The following RASSF9 variants were observed in gnomAD, a reference collection of about 807,000 sequenced individuals.
The protein encoded by RASSF9 is Ras association domain family member 9.
A neutral mutation model predicts 21.4 loss-of-function variants in RASSF9; 18 were observed. The ratio of observed to expected loss-of-function variants is 0.84; its 90% CI spans 0.58 to 1.25. The LOEUF is 1.25. Among genes scored for constraint, RASSF9 ranks in the 50% most tolerant of loss-of-function variants. The pLI is 0.00. For missense variants in RASSF9, 480 were observed against 503.2 expected (o/e 0.95, Z 0.44); for synonymous variants, 183 against 179.1 (o/e 1.02, Z -0.18).
At chr12:85,825,167 T>C (rs1880304248) in intron 1 of RASSF9, among the ~76,000 whole-genome samples, 1 of 152,124 alleles carries the variant, frequency 6.6e-6, no homozygotes, top group Admixed American at 6.5e-5. Context: ...TATGCCTGAT[T>C]AATTTTTGTA....
At chr12:85,815,699 C>G (rs1399025891) in intron 1 of RASSF9, among the ~76,000 whole-genome samples, 2 of 139,480 alleles carry the variant, frequency 1.4e-5, no homozygotes, top group African/African-American at 5.7e-5. Context: ...TCAGTGATGT[C>G]GACCTTTAAT....
intron 1 of RASSF9, among the ~76,000 whole-genome samples, chr12:85,809,131 G>C (rs1879895946): frequency 6.6e-6 from 1 of 152,144 alleles, no homozygotes; most frequent in Admixed American, 6.6e-5. Flanking sequence ...TTGGTAGCTT[G>C]CCTCAGGTCA....
intron 1 of RASSF9, among the ~76,000 whole-genome samples, chr12:85,813,974 G>A (rs1880009080): frequency 1.3e-5 from 2 of 152,022 alleles, no homozygotes; most frequent in Admixed American, 1.3e-4. Context: ...GTGTAAAGGA[G>A]TGATTCCAAG....
chr12:85,824,269 G>C (rs1055416708), intron 1 of RASSF9, among the ~76,000 whole-genome samples: 1 of 152,086 alleles, frequency 6.6e-6, no homozygotes, highest in Non-Finnish European at 1.5e-5. Flanking sequence ...CAAAAATAGT[G>C]TTCCCCACCT....
intron 1 of RASSF9, among the ~76,000 whole-genome samples, chr12:85,817,838 A>G (rs182836767): frequency 2.6e-4 from 39 of 152,306 alleles, no homozygotes; most frequent in African/African-American, 8.9e-4. Context: ...AGAAATCATA[A>G]GATATGCTCT....
chr12:85,834,807 A>G (rs897298569), intron 1 of RASSF9, among the ~76,000 whole-genome samples: 1 of 152,080 alleles, frequency 6.6e-6, no homozygotes, highest in Non-Finnish European at 1.5e-5. Context: ...GGCTTGGGGG[A>G]GGCTTTTCTG....
At position 85,804,890 on chromosome 12, in the gene RASSF9, C is replaced by A; in HGVS notation, c.1120G>T (p.Gly374Trp). 1 of 1,613,722 alleles carries A rather than the reference C, an allele frequency of 6.2e-7. No homozygotes were observed. The highest frequency in any genetic ancestry group is 8.5e-7 in the Non-Finnish European group (1 of 1,179,678). Residue 374 changes from glycine (G) to tryptophan (W), a missense_variant, in exon 2 of 2, where the codon GGG becomes TGG. Physicochemically the swap from Gly to Trp is radical, Grantham distance 184. Coordinates refer to ENST00000361228, the MANE Select transcript of RASSF9 (RefSeq NM_005447.4). Reference sequence around the variant, plus strand: ...GCTCTGTTTTCCTTTAACTGGCACCCATCTTTGTTGCTAATGTGAAGTGAA... The same window carrying A: ...GCTCTGTTTTCCTTTAACTGGCACCAATCTTTGTTGCTAATGTGAAGTGAA... ...FNSLHISNKDGCQLKENRAKE... is the reference protein window; with the variant it reads ...FNSLHISNKDWCQLKENRAKE...
intron 1 of RASSF9, among the ~76,000 whole-genome samples, chr12:85,810,922 T>G (rs1879939634): frequency 6.6e-6 from 1 of 150,570 alleles, no homozygotes; most frequent in African/African-American, 2.4e-5. Flanking sequence ...TGTTTTACTT[T>G]GTGTGTGTGT....
intron 1 of RASSF9, 107 bp from the exon 2 acceptor site, chr12:85,806,069 G>A (rs1435209937): frequency 7.9e-7 from 1 of 1,263,566 alleles, no homozygotes; most frequent in Non-Finnish European, 1.1e-6. Flanking sequence ...TAATGAGAGA[G>A]GCATTTTTTT....
chr12:85,813,320 A>T (rs1237958480), intron 1 of RASSF9, among the ~76,000 whole-genome samples: 1 of 151,970 alleles, frequency 6.6e-6, no homozygotes, highest in Non-Finnish European at 1.5e-5. Context: ...GATAATTAGC[A>T]TTAATAACAT....
At position 85,804,775 on chromosome 12, in the gene RASSF9, T is replaced by G. The variant is rs1360874731; in HGVS notation, c.1235A>C (p.Asp412Ala). ...ACTGTGGTTAGAACTGATACCAGTG[T>G]CCGAGTCTGTGTCATTTGTGTAATT... ...FSNYTNDTDS[D>A]TGISSNHSQD... Residue 412 changes from aspartate to alanine, a missense_variant, in exon 2 of 2, where the codon GAC (aspartate) becomes GCC (alanine). Coordinates refer to ENST00000361228, the MANE Select transcript of RASSF9 (RefSeq NM_005447.4). The G allele has an allele frequency of 1.9e-6, 3 of 1,613,890 alleles. No homozygotes were observed. Among genetic ancestry groups the G allele is most frequent in the Non-Finnish European group, 2.5e-6 (3 of 1,179,776 alleles).
At position 85,830,976 on chromosome 12, in the gene RASSF9, C is replaced by T. The variant is rs376469273; in HGVS notation, c.47+5179G>A. ...TCAAGAAATTAATTAAGCAACCATACATTAAAGTCATTAGAATGCAGAAGT... is the reference window on the plus strand; with the variant it reads ...TCAAGAAATTAATTAAGCAACCATATATTAAAGTCATTAGAATGCAGAAGT... On this transcript the variant is annotated intron_variant, in intron 1 of 1. Coordinates refer to ENST00000361228, the MANE Select transcript of RASSF9 (RefSeq NM_005447.4). 5.1e-4 allele frequency among the ~76,000 whole-genome samples: 77 copies of T among 152,184 alleles called. No homozygotes were observed. In the South Asian group the frequency reaches 0.015, roughly 29 times the overall value.
intron 1 of RASSF9, among the ~76,000 whole-genome samples, chr12:85,820,718 T>A (rs1051185496): frequency 9.2e-5 from 14 of 152,188 alleles, no homozygotes; most frequent in Admixed American, 2.0e-4. Flanking sequence ...CATTAAAAAA[T>A]TTTTTTCAGG....
At chr12:85,825,078 C>T (rs1880301900) in intron 1 of RASSF9, among the ~76,000 whole-genome samples, 1 of 152,152 alleles carries the variant, frequency 6.6e-6, no homozygotes, top group Non-Finnish European at 1.5e-5. Context: ...TCTCGGCTCA[C>T]TGCAACCTCT....
At position 85,801,220 on chromosome 12, in the gene RASSF9, C is replaced by CTT. The variant is rs1879691795; in HGVS notation, c.*3481_*3482insAA. 6.6e-6 allele frequency: 1 copy of CTT among 151,938 alleles called. No individual in the cohort carries two copies. The highest frequency in any genetic ancestry group is 1.5e-5 in the Non-Finnish European group (1 of 67,982). The allele number at this position is 151,938 out of a possible 1,614,324, so 9.4% of individuals were successfully genotyped here. On this transcript the variant is annotated 3_prime_UTR_variant, in exon 2 of 2. Coordinates refer to ENST00000361228, the MANE Select transcript of RASSF9 (RefSeq NM_005447.4). ...TTTGGGGTTTATTAAGTCAGTAATACTATTATTAAAAATAAACATTGATGC... is the reference window on the plus strand; with the variant it reads ...TTTGGGGTTTATTAAGTCAGTAATACTTTATTATTAAAAATAAACATTGATGC...
chr12:85,808,651 C>A (rs1313128865), intron 1 of RASSF9, among the ~76,000 whole-genome samples: 1 of 151,876 alleles, frequency 6.6e-6, no homozygotes, highest in Non-Finnish European at 1.5e-5. Flanking sequence ...AAATCCTTAC[C>A]TTAATATGTT....
chr12:85,825,526 A>T (rs947090489), intron 1 of RASSF9, among the ~76,000 whole-genome samples: 1 of 152,160 alleles, frequency 6.6e-6, no homozygotes, highest in Admixed American at 6.5e-5. Context: ...CAATTTCATT[A>T]TGTATTATCT....
At chr12:85,817,934 T>A (rs1880114029) in intron 1 of RASSF9, among the ~76,000 whole-genome samples, 1 of 152,124 alleles carries the variant, frequency 6.6e-6, no homozygotes, top group East Asian at 1.9e-4. Flanking sequence ...GACATAGAAG[T>A]TGTCCTCAAT....
chr12:85,818,873 G>A (rs61930070), intron 1 of RASSF9, among the ~76,000 whole-genome samples: 1 of 151,036 alleles, frequency 6.6e-6, no homozygotes, highest in Admixed American at 6.6e-5. Context: ...GCAGGAGAAT[G>A]GCGTGAACCC....
Sources: allele counts gnomAD v4.1 joint callset (sites outside exome capture counted in the v4.1 genomes callset), GRCh38; gene constraint gnomAD v4.1.1; transcripts MANE v1.5; gene names NCBI Gene and HGNC (gene_info 2026-07-23, HGNC 2026-07-21).